ANKRD6: variants seen among roughly 807,000 people sequenced by gnomAD.
ANKRD6 encodes ankyrin repeat domain-containing protein 6.
In ANKRD6, 56 loss-of-function variants were observed where a neutral mutation model predicts 82.3. The ratio of observed to expected loss-of-function variants is 0.68; its 90% confidence interval spans 0.55 to 0.85. ANKRD6 has a LOEUF of 0.85. Among genes scored for constraint, ANKRD6 ranks in the 40% least tolerant of loss-of-function variants. The pLI is 0.00. For missense variants in ANKRD6, 852 were observed against 907.6 expected (o/e 0.94, Z 0.79); for synonymous variants, 347 against 352.1 (o/e 0.99, Z 0.16).
intron 1 of ANKRD6, among the ~76,000 whole-genome samples, chr6:89,505,856 A>C (rs746463453): frequency 1.6e-4 from 25 of 152,258 alleles, no homozygotes; most frequent in Non-Finnish European, 3.1e-4. Context: ...TGAATAAAGG[A>C]AATGAACCCC....
chr6:89,632,190 A>G lies in ANKRD6; in HGVS notation c.*1186A>G, dbSNP rs1807529348. On this transcript the variant is annotated 3_prime_UTR_variant, in exon 16 of 16. Coordinates refer to ENST00000339746, the MANE Select transcript of ANKRD6 (RefSeq NM_001242809.2). Reference sequence around the variant, plus strand: ...TTTCTATAGACACAGGAACCTAGTGACTATTGAACGTAATTGTAATAAAAT... The same window carrying G: ...TTTCTATAGACACAGGAACCTAGTGGCTATTGAACGTAATTGTAATAAAAT... The G allele has an allele frequency of 6.6e-6, 1 of 152,248 alleles. No homozygotes were observed. The highest frequency in any genetic ancestry group is 2.4e-5 in the African/African-American group (1 of 41,474). The allele number at this position is 152,248 out of a possible 1,614,324, so 9.4% of individuals were successfully genotyped here. A position where few individuals can be genotyped will look rare whatever the true frequency, so the allele number is the denominator to read the frequency against.
chr6:89,489,159 C>G (rs1456761799), intron 1 of ANKRD6, among the ~76,000 whole-genome samples: 1 of 152,112 alleles, frequency 6.6e-6, no homozygotes, highest in Admixed American at 6.6e-5. Context: ...CAGGGCTGGG[C>G]AGGAAATCAA....
chr6:89,437,316 C>T (rs1339602677), intron 1 of ANKRD6, among the ~76,000 whole-genome samples: 1 of 152,066 alleles, frequency 6.6e-6, no homozygotes, highest in Non-Finnish European at 1.5e-5. Flanking sequence ...CAGATAAGCC[C>T]GACCAGTTCT....
intron 3 of ANKRD6, chr6:89,598,299 T>A: frequency 1.0e-6 from 1 of 985,234 alleles, no homozygotes; most frequent in Non-Finnish European, 1.2e-6. Context: ...CAATGAGCAA[T>A]CACATAGCTC....
At chr6:89,591,405 A>G (rs1794883825) in intron 2 of ANKRD6, among the ~76,000 whole-genome samples, 1 of 152,056 alleles carries the variant, frequency 6.6e-6, no homozygotes, top group African/African-American at 2.4e-5. Flanking sequence ...CCTGGCCCAA[A>G]CTTCTTATTC....
In ANKRD6 at chr6:89,563,549, A is replaced by C. The variant is rs532868337; in HGVS notation, c.-143-3285A>C. On this transcript the variant is annotated intron_variant, in intron 1 of 15. Transcript: ENST00000339746. ...AAGTATCTTGAATGATAGCTGATCT[A>C]CTTGGAAGAGGAGGCTCAGATATAA... is the stretch of plus-strand genomic sequence containing the variant. Among the ~76,000 whole-genome samples, 4 of 152,320 alleles carry C rather than the reference A, an allele frequency of 2.6e-5. No individual in the cohort carries two copies. In the South Asian group the frequency reaches 8.3e-4, roughly 32 times the overall value.
chr6:89,506,174 A>G (rs1779826600), intron 1 of ANKRD6, among the ~76,000 whole-genome samples: 1 of 152,188 alleles, frequency 6.6e-6, no homozygotes, highest in Non-Finnish European at 1.5e-5. Context: ...TTATGCTTGA[A>G]AATTGCAAGG....
In ANKRD6 at chr6:89,433,475, C is replaced by G. The variant is rs2127911834; in HGVS notation, c.-144+100C>G. On this transcript the variant is annotated intron_variant, in intron 1 of 15. Coordinates refer to ENST00000339746, the MANE Select transcript of ANKRD6 (RefSeq NM_001242809.2). This position sits in a 1 kb window ranked among gnomAD's most constrained non-coding sequence, Gnocchi z 4.3. The stretch of plus-strand genomic sequence containing the variant: ...TGTCGGGGGAAGGGGGCGCTGCTCC[C>G]TCGGCACCCCAGGATCGCCGACTGC... The G allele has an allele frequency of 6.6e-6, 1 of 152,372 alleles. No individual in the cohort carries two copies. Among genetic ancestry groups the G allele is most frequent in the African/African-American group, 2.4e-5 (1 of 41,586 alleles). The allele number at this position is 152,372 out of a possible 1,614,324, so 9.4% of individuals were successfully genotyped here.
At position 89,528,542 on chromosome 6, in the gene ANKRD6, A is replaced by G. The variant is rs573857556; in HGVS notation, c.-143-38292A>G. Reference sequence around the variant, plus strand: ...AGTCTTGAACTTCTCAAAGTAATCCATGAGGGTTAGAATCAACTTCTTCCA... The same window carrying G: ...AGTCTTGAACTTCTCAAAGTAATCCGTGAGGGTTAGAATCAACTTCTTCCA... On this transcript the variant is annotated intron_variant, in intron 1 of 15. Transcript: ENST00000339746. Among the ~76,000 whole-genome samples, 6 of 152,308 alleles carry G rather than the reference A, an allele frequency of 3.9e-5. No homozygotes were observed. The South Asian group carries it at 1.2e-3, about 32-fold the overall frequency.
intron 1 of ANKRD6, among the ~76,000 whole-genome samples, chr6:89,449,880 G>T (rs1355857447): frequency 6.6e-6 from 1 of 152,160 alleles, no homozygotes; most frequent in Non-Finnish European, 1.5e-5. Context: ...GGGTGAAGAT[G>T]CTGTGAATAT....
chr6:89,535,212 G>T (rs754680982), intron 1 of ANKRD6, among the ~76,000 whole-genome samples: 7 of 152,210 alleles, frequency 4.6e-5, no homozygotes, highest in Non-Finnish European at 8.8e-5. Context: ...ACTTAGGAGA[G>T]GGGGAGAAGT....
chr6:89,533,087 G>A (rs1583130914), intron 1 of ANKRD6, among the ~76,000 whole-genome samples: 1 of 151,994 alleles, frequency 6.6e-6, no homozygotes, highest in East Asian at 1.9e-4. Flanking sequence ...ATGTTGGTCA[G>A]GCTGTTCTTG....
At chr6:89,465,243 C>A (rs1036068985) in intron 1 of ANKRD6, among the ~76,000 whole-genome samples, 2 of 151,696 alleles carry the variant, frequency 1.3e-5, no homozygotes, top group Non-Finnish European at 2.9e-5. Context: ...CCTCAGCCTC[C>A]TGAGTAACTG....
chr6:89,605,859 C>A, intron 4 of ANKRD6, 148 bp from the exon 5 acceptor site: 1 of 463,012 alleles, frequency 2.2e-6, no homozygotes, highest in South Asian at 6.7e-5. Flanking sequence ...CCACTCAAAT[C>A]ATCTTCTGTA....
At chr6:89,592,897 A>G (rs1795175234) in intron 2 of ANKRD6, among the ~76,000 whole-genome samples, 1 of 152,060 alleles carries the variant, frequency 6.6e-6, no homozygotes, top group Non-Finnish European at 1.5e-5. Context: ...CAACATGGTG[A>G]AACCCGTCTC....
At chr6:89,517,151 T>G (rs1471382733) in intron 1 of ANKRD6, among the ~76,000 whole-genome samples, 3 of 152,240 alleles carry the variant, frequency 2.0e-5, no homozygotes, top group African/African-American at 7.2e-5. Flanking sequence ...GTTACAGGCG[T>G]AAGCCACCAC....
At chr6:89,600,578 C>T (rs962406731) in intron 3 of ANKRD6, among the ~76,000 whole-genome samples, 4 of 152,130 alleles carry the variant, frequency 2.6e-5, no homozygotes, top group Non-Finnish European at 1.5e-5. Flanking sequence ...GTCAGCACTA[C>T]CCTGAAAGCG....
chr6:89,449,698 C>G (rs765710042), intron 1 of ANKRD6, among the ~76,000 whole-genome samples: 2 of 152,186 alleles, frequency 1.3e-5, no homozygotes, highest in Non-Finnish European at 2.9e-5. Flanking sequence ...GCTCTGTTTT[C>G]AAGCACCTTA....
At chr6:89,448,937 G>A (rs1772455068) in intron 1 of ANKRD6, among the ~76,000 whole-genome samples, 1 of 150,864 alleles carries the variant, frequency 6.6e-6, no homozygotes, top group Non-Finnish European at 1.5e-5. Context: ...GGCTGAGGCA[G>A]GAGAATGGCA....
Sources: allele counts gnomAD v4.1 joint callset (sites outside exome capture counted in the v4.1 genomes callset), GRCh38; gene constraint gnomAD v4.1.1; non-coding constraint Gnocchi (gnomAD v3.1); transcripts MANE v1.5; gene names NCBI Gene and HGNC (gene_info 2026-07-23, HGNC 2026-07-21).